The following SCAF8 variants were observed in gnomAD, a reference collection of about 807,000 sequenced individuals.
SCAF8 encodes the protein SR-related and CTD-associated factor 8.
In SCAF8, 23 loss-of-function variants were observed where a neutral mutation model predicts 140.5. That is an observed-to-expected ratio of 0.16 (90% confidence interval 0.12 to 0.23). The LOEUF (loss-of-function observed/expected upper bound fraction) is 0.23, where lower values mean the gene tolerates loss of function less well. Among genes scored for constraint, SCAF8 ranks in the 10% least tolerant of loss-of-function variants. SCAF8 has a pLI of 1.00. For synonymous variants in SCAF8, 575 were observed against 528.9 expected, an observed-to-expected ratio of 1.09 and a Z score of -1.20; for missense variants, 1,397 against 1,555.7, an observed-to-expected ratio of 0.90 and a Z score of 1.72.
rs867367472 is a variant in SCAF8 at position 154,737,945 on chromosome 6, C to T, written c.30+4015C>T. Among the ~76,000 whole-genome samples, 548 of 151,534 alleles carry T rather than the reference C, an allele frequency of 3.6e-3. 8 individuals carry two copies. Among genetic ancestry groups the T allele is most frequent in the African/African-American group, 0.012 (500 of 41,486 alleles). On this transcript the variant is annotated intron_variant, in intron 1 of 19. Transcript: ENST00000367178. ...ATGGCTTGCTAAGGCTCAGGTTTTT[C>T]CAGACTGAATTTTGTCACCCCCATC...
Position 154,824,361 on chromosome 6 carries a change from C to A in SCAF8, c.2054C>A (p.Pro685His). ...CCTTTTTTAAGAGCAAGTTTTAACC[C>A]TTCACAACCACCACCTGGTAAGGAA... ...PPPFLRASFN[P>H]SQPPPGFMPP... is the part of the protein sequence containing the mutation. The change falls in exon 17 of 20, where the codon CCT becomes CAT. Residue 685 changes from proline to histidine, a missense_variant. Transcript: ENST00000367178. 1 of 1,613,354 alleles carries A rather than the reference C, an allele frequency of 6.2e-7. No homozygotes were observed. The highest frequency in any genetic ancestry group is 8.5e-7 in the Non-Finnish European group (1 of 1,179,560).
chr6:154,790,731 C>G (rs757464958), intron 4 of SCAF8, among the ~76,000 whole-genome samples: 1 of 151,812 alleles, frequency 6.6e-6, no homozygotes, highest in Non-Finnish European at 1.5e-5. Context: ...AAGATGGTCT[C>G]GATCTCCTGA....
At chr6:154,789,250 A>G (rs2114872351) in intron 4 of SCAF8, among the ~76,000 whole-genome samples, 1 of 151,966 alleles carries the variant, frequency 6.6e-6, no homozygotes, top group South Asian at 2.1e-4. Context: ...CTGGGATTAC[A>G]GGCGCCCGCC....
intron 7 of SCAF8, among the ~76,000 whole-genome samples, 185 bp from the exon 8 acceptor site, chr6:154,803,359 A>T (rs1777823986): frequency 6.6e-6 from 1 of 152,180 alleles, no homozygotes; most frequent in Non-Finnish European, 1.5e-5. Context: ...GATAATACAT[A>T]TCAAAATGCT....
At chr6:154,776,181 C>T (rs1464930107) in intron 2 of SCAF8, among the ~76,000 whole-genome samples, 1 of 151,818 alleles carries the variant, frequency 6.6e-6, no homozygotes, top group Admixed American at 6.6e-5. Context: ...ACACATTATA[C>T]TTATTTGTCC....
At position 154,745,545 on chromosome 6, in the gene SCAF8, T is replaced by C. The variant is rs138610326; in HGVS notation, c.30+11615T>C. ...CATGCCACCATGCCTGCCTGATTTT[T>C]TAGATTTTTGGTAGAGAGGAGGTCG... is the stretch of plus-strand genomic sequence containing the variant. On this transcript the variant is annotated intron_variant, in intron 1 of 19. Coordinates refer to ENST00000367178, the MANE Select transcript of SCAF8 (RefSeq NM_014892.5). Among the ~76,000 whole-genome samples, 24 of 152,230 alleles carry C rather than the reference T, an allele frequency of 1.6e-4. No homozygotes were observed. The South Asian group carries it at 2.5e-3, about 16-fold the overall frequency.
chr6:154,769,898 A>C (rs1287898820), intron 1 of SCAF8, among the ~76,000 whole-genome samples: 1 of 152,220 alleles, frequency 6.6e-6, no homozygotes, highest in Non-Finnish European at 1.5e-5. Context: ...CTTATTCTCC[A>C]GTACGAGAGG....
In SCAF8 at chr6:154,789,927, C is replaced by T. The variant is rs144645589; in HGVS notation, c.321+1905C>T. The stretch of plus-strand genomic sequence containing the variant: ...CTACCACTTGAAGTAATGTACTAAT[C>T]TGAAATTTTATACATGCATTTTTTA... On this transcript the variant is annotated intron_variant, in intron 4 of 19. Transcript: ENST00000367178. 4.6e-5 allele frequency among the ~76,000 whole-genome samples: 7 copies of T among 152,094 alleles called. No homozygotes were observed. The East Asian group carries it at 1.4e-3, about 29-fold the overall frequency.
At chr6:154,787,654 G>T (rs1441989321) in intron 3 of SCAF8, among the ~76,000 whole-genome samples, 1 of 152,192 alleles carries the variant, frequency 6.6e-6, no homozygotes, top group East Asian at 1.9e-4. Flanking sequence ...TACTATTTTA[G>T]AACTTCTGAT....
intron 9 of SCAF8, among the ~76,000 whole-genome samples, chr6:154,805,885 G>T (rs534030974): frequency 6.6e-6 from 1 of 152,242 alleles, no homozygotes; most frequent in South Asian, 2.1e-4. Context: ...TGGTGACAAT[G>T]ATGATGGCCA....
chr6:154,811,748 C>G (rs1406944163), intron 12 of SCAF8, among the ~76,000 whole-genome samples: 2 of 136,470 alleles, frequency 1.5e-5, no homozygotes, highest in Non-Finnish European at 3.1e-5. Context: ...TCCAAGTGTT[C>G]TCATTGTTCA....
chr6:154,799,124 C>G (rs769472630), intron 6 of SCAF8, among the ~76,000 whole-genome samples: 3 of 150,660 alleles, frequency 2.0e-5, no homozygotes, highest in Admixed American at 6.6e-5. Context: ...ATTACAGGCA[C>G]CCGCCACCAC....
chr6:154,746,215 G>A (rs1222543099), intron 1 of SCAF8, among the ~76,000 whole-genome samples: 1 of 152,108 alleles, frequency 6.6e-6, no homozygotes. Flanking sequence ...TTAATTCACT[G>A]AGTTATCTTT....
chr6:154,794,771 G>A (rs1263155560), intron 5 of SCAF8, among the ~76,000 whole-genome samples: 2 of 55,134 alleles, frequency 3.6e-5, no homozygotes, highest in African/African-American at 1.9e-4. Flanking sequence ...GGGGGGGGGG[G>A]GTGTGGGGGG....
chr6:154,773,667 A>G (rs1213302153), intron 1 of SCAF8, among the ~76,000 whole-genome samples: 1 of 152,186 alleles, frequency 6.6e-6, no homozygotes, highest in Non-Finnish European at 1.5e-5. Context: ...ACTGTGTTTA[A>G]TCTTTTGAGG....
At chr6:154,809,592 C>T (rs1383043692) in intron 11 of SCAF8, among the ~76,000 whole-genome samples, 2 of 152,172 alleles carry the variant, frequency 1.3e-5, no homozygotes, top group African/African-American at 2.4e-5. Flanking sequence ...GTTTCAGTGT[C>T]ACCTTCTACA....
At chr6:154,745,378 AT>A (rs912525928) in intron 1 of SCAF8, among the ~76,000 whole-genome samples, 1 of 151,484 alleles carries the variant, frequency 6.6e-6, no homozygotes, top group South Asian at 2.1e-4. Flanking sequence ...TTTGTTTATT[AT>A]TTTTTTTTAA....
intron 1 of SCAF8, among the ~76,000 whole-genome samples, chr6:154,753,738 C>T (rs537863075): frequency 2.5e-4 from 38 of 152,264 alleles, no homozygotes; most frequent in Admixed American, 2.2e-3. Flanking sequence ...GGCCTACCAG[C>T]CGTTTAACAG....
chr6:154,793,350 C>T (rs1353966309), intron 5 of SCAF8, among the ~76,000 whole-genome samples: 1 of 151,686 alleles, frequency 6.6e-6, no homozygotes, highest in Non-Finnish European at 1.5e-5. Flanking sequence ...AATTATTTAA[C>T]AAAACCAAAA....
Sources: allele counts gnomAD v4.1 joint callset (sites outside exome capture counted in the v4.1 genomes callset), GRCh38; gene constraint gnomAD v4.1.1; transcripts MANE v1.5; gene names NCBI Gene and HGNC (gene_info 2026-07-23, HGNC 2026-07-21).